DIAPH2: variants seen among roughly 807,000 people sequenced by gnomAD.
DIAPH2 encodes the protein protein diaphanous homolog 2.
DIAPH2 carries 35 observed loss-of-function variants against 92.7 expected under a neutral mutation model. That is an observed-to-expected ratio of 0.38 (90% confidence interval 0.29 to 0.50). The LOEUF is 0.50. DIAPH2 is among the 20% of genes least tolerant of loss of function. The pLI is 0.94. For synonymous variants in DIAPH2, 301 were observed against 280.4 expected, an observed-to-expected ratio of 1.07 and a Z score of -0.73; for missense variants, 701 against 819.5, an observed-to-expected ratio of 0.86 and a Z score of 1.77.
intron 23 of DIAPH2, among the ~76,000 whole-genome samples, chrX:97,289,519 G>T (rs1262244469): frequency 9.0e-6 from 1 of 110,602 alleles, no homozygotes; most frequent in Non-Finnish European, 1.9e-5. Context: ...GTATCTCAGT[G>T]GTTCTCAACC....
At chrX:97,165,884 C>T (rs1320967797) in intron 22 of DIAPH2, among the ~76,000 whole-genome samples, 1 of 110,408 alleles carries the variant, frequency 9.1e-6, no homozygotes, top group Non-Finnish European at 1.9e-5. Flanking sequence ...GCTTAAAAAC[C>T]ATCCCGTCTT....
At chrX:97,348,305 G>C (rs747516070) in intron 24 of DIAPH2, 25 bp downstream of exon 24, 23 of 1,132,946 alleles carry the variant, frequency 2.0e-5, no homozygotes, top group Non-Finnish European at 1.2e-6. Flanking sequence ...TTAAAGCATT[G>C]CAAGACCTGT....
chrX:97,046,168 G>GT (rs375310069), intron 17 of DIAPH2, among the ~76,000 whole-genome samples: 1,218 of 100,527 alleles, frequency 0.012, 14 homozygotes, highest in African/African-American at 0.04. Flanking sequence ...ATTTTATGTG[G>GT]TTTTTTTTTT....
intron 17 of DIAPH2, among the ~76,000 whole-genome samples, chrX:97,047,933 G>A (rs939659455): frequency 2.7e-5 from 3 of 109,466 alleles, no homozygotes; most frequent in South Asian, 4.0e-4. Context: ...TAATACTTCC[G>A]GTTTTCCTTT....
At chrX:96,852,489 C>T (rs1365841111) in intron 4 of DIAPH2, among the ~76,000 whole-genome samples, 2 of 111,459 alleles carry the variant, frequency 1.8e-5, no homozygotes, top group Admixed American at 1.9e-4. Flanking sequence ...TTATTTCTAC[C>T]CAACTCCTTA....
At chrX:96,937,388 A>C (rs183647853) in intron 11 of DIAPH2, 37 bp downstream of exon 11, 1,306 of 925,498 alleles carry the variant, frequency 1.4e-3, no homozygotes, top group Admixed American at 2.9e-3. Context: ...TTTTGTTTGC[A>C]TTGTGAGAAA....
intron 4 of DIAPH2, among the ~76,000 whole-genome samples, chrX:96,760,152 T>C (rs1007652829): frequency 4.3e-4 from 48 of 111,461 alleles, no homozygotes; most frequent in Non-Finnish European, 8.2e-4. Flanking sequence ...ATATTTTTCG[T>C]GGGCCAGATA....
At chrX:97,271,813 GCA>G (rs780653047) in intron 23 of DIAPH2, among the ~76,000 whole-genome samples, 3,014 of 91,496 alleles carry the variant, frequency 0.033, 41 homozygotes, top group Middle Eastern at 0.052. Context: ...ATATATATAT[GCA>G]CACACACACA....
At chrX:97,197,382 A>T (rs1372263473) in intron 22 of DIAPH2, among the ~76,000 whole-genome samples, 1 of 112,080 alleles carries the variant, frequency 8.9e-6, no homozygotes, top group Non-Finnish European at 1.9e-5. Flanking sequence ...ACTTCCTAAT[A>T]CTAAAGAAAT....
chrX:97,171,667 G>A (rs866197036), intron 22 of DIAPH2, among the ~76,000 whole-genome samples: 5 of 111,980 alleles, frequency 4.5e-5, no homozygotes, highest in East Asian at 2.8e-4. Flanking sequence ...CGGGCTGGGC[G>A]CGGTGGCTCA....
In DIAPH2 at chrX:97,599,478, A is replaced by G; in HGVS notation, c.*161A>G. 1 of 326,418 alleles carries G rather than the reference A, an allele frequency of 3.1e-6. No homozygotes were observed. Among genetic ancestry groups the G allele is most frequent in the Non-Finnish European group, 5.7e-6 (1 of 175,995 alleles). The allele number at this position is 326,418 out of a possible 1,213,427, so 26.9% of individuals were successfully genotyped here. On this transcript the variant is annotated 3_prime_UTR_variant, in exon 27 of 27. Transcript: ENST00000324765. ...AGTGTGCATTTGTAATACTATTGCA[A>G]GACTCCTCCCACAATTATTCTAATC... is the stretch of plus-strand genomic sequence containing the variant.
At chrX:97,231,258 T>TTTTTA (rs2068007404) in intron 22 of DIAPH2, among the ~76,000 whole-genome samples, 1 of 105,079 alleles carries the variant, frequency 9.5e-6, no homozygotes, top group African/African-American at 3.7e-5. Context: ...TTTTTTTTTT[T>TTTTTA]GAGTAAATTA....
intron 15 of DIAPH2, among the ~76,000 whole-genome samples, chrX:96,955,357 C>T (rs1413870698): frequency 1.8e-5 from 2 of 111,803 alleles, no homozygotes; most frequent in Non-Finnish European, 3.8e-5. Flanking sequence ...GCCCTTGACA[C>T]GTGGGGATTA....
intron 26 of DIAPH2, among the ~76,000 whole-genome samples, chrX:97,558,713 A>T (rs762832733): frequency 6.3e-5 from 7 of 111,780 alleles, no homozygotes; most frequent in Non-Finnish European, 9.4e-5. Flanking sequence ...TCTAAAGAAA[A>T]TCTTACATCT....
intron 26 of DIAPH2, chrX:97,528,496 A>G (rs769130813): frequency 1.7e-3 from 191 of 112,048 alleles, no homozygotes; most frequent in African/African-American, 5.7e-3. Flanking sequence ...GGGAGCTGGC[A>G]TGTGCAGAGA....
chrX:96,697,013 C>T (rs946344976), intron 1 of DIAPH2, among the ~76,000 whole-genome samples: 1 of 111,098 alleles, frequency 9.0e-6, no homozygotes, highest in Non-Finnish European at 1.9e-5. Flanking sequence ...GAGTCAGTGA[C>T]ATTGCAGGAG....
intron 1 of DIAPH2, among the ~76,000 whole-genome samples, chrX:96,711,250 C>T (rs919866317): frequency 8.9e-6 from 1 of 111,837 alleles, no homozygotes; most frequent in Non-Finnish European, 1.9e-5. Flanking sequence ...AAGGAATCTC[C>T]ATACTGTTTT....
rs199993954 is a variant in DIAPH2 at position 96,884,395 on chromosome X, G to A, written c.587+2677G>A. ...AGGCAGTGACCAACTGTGTGAGAGA[G>A]ATGCAACTCCTGCTATTAAGACCCA... On this transcript the variant is annotated intron_variant, in intron 5 of 26. Coordinates refer to ENST00000324765, the MANE Select transcript of DIAPH2 (RefSeq NM_006729.5). 49 of 1,208,097 alleles carry A rather than the reference G, an allele frequency of 4.1e-5. No homozygotes were observed. The African/African-American group carries it at 6.5e-4, about 16-fold the overall frequency.
At chrX:97,209,496 A>G (rs1378471511) in intron 22 of DIAPH2, among the ~76,000 whole-genome samples, 1 of 111,576 alleles carries the variant, frequency 9.0e-6, no homozygotes, top group Non-Finnish European at 1.9e-5. Context: ...TGAATGAAAA[A>G]TATTTTCCTT....
Sources: gnomAD v4.1 joint callset for allele counts (sites outside exome capture counted in the v4.1 genomes callset) on GRCh38, gnomAD v4.1.1 for gene constraint, MANE v1.5 for transcripts, NCBI Gene and HGNC (gene_info 2026-07-23, HGNC 2026-07-21) for gene names.